TLL1: variants seen among roughly 807,000 people sequenced by gnomAD.
TLL1 encodes the protein tolloid-like protein 1.
TLL1 carries 49 observed loss-of-function variants against 128.2 expected under a neutral mutation model. The ratio of observed to expected loss-of-function variants is 0.38; its 90% CI spans 0.30 to 0.48. TLL1 has a LOEUF of 0.48. Among genes scored for constraint, TLL1 ranks in the 20% least tolerant of loss-of-function variants. The pLI, the probability that TLL1 is intolerant of heterozygous loss-of-function variation, is 0.96. For missense variants in TLL1, 1,123 were observed against 1,242.0 expected, an observed-to-expected ratio of 0.90 and a Z score of 1.44; for synonymous variants, 454 against 418.8, an observed-to-expected ratio of 1.08 and a Z score of -1.03.
chr4:166,022,913 T>C (rs1279540628), intron 8 of TLL1, among the ~76,000 whole-genome samples: 1 of 152,224 alleles, frequency 6.6e-6, no homozygotes, highest in East Asian at 1.9e-4. Context: ...TTTATATTAA[T>C]AATTCTTTAT....
intron 1 of TLL1, among the ~76,000 whole-genome samples, chr4:165,918,878 C>A (rs1207232558): frequency 6.6e-6 from 1 of 152,076 alleles, no homozygotes; most frequent in Admixed American, 6.6e-5. Flanking sequence ...AAGACCCTGG[C>A]GTAGCTCCAG....
At chr4:165,888,554 ATT>A (rs35285663) in intron 1 of TLL1, among the ~76,000 whole-genome samples, 6 of 146,862 alleles carry the variant, frequency 4.1e-5, no homozygotes, top group African/African-American at 1.3e-4. Flanking sequence ...ACTGGAAAAT[ATT>A]TTTTTTTTTT....
chr4:165,983,675 TGAG>T (rs920577102), intron 1 of TLL1, among the ~76,000 whole-genome samples: 5 of 151,990 alleles, frequency 3.3e-5, no homozygotes, highest in African/African-American at 9.6e-5. Flanking sequence ...GTGTTTAACT[TGAG>T]GAGAAGTTCT....
chr4:165,949,055 C>A, intron 1 of TLL1, among the ~76,000 whole-genome samples: 1 of 151,972 alleles, frequency 6.6e-6, no homozygotes, highest in Non-Finnish European at 1.5e-5. Context: ...CTGAATGGAC[C>A]TACTGTAATT....
At chr4:166,040,586 C>T (rs1364984868) in intron 10 of TLL1, among the ~76,000 whole-genome samples, 1 of 152,162 alleles carries the variant, frequency 6.6e-6, no homozygotes, top group Non-Finnish European at 1.5e-5. Flanking sequence ...CTTACTATTT[C>T]TTCTAAGACC....
intron 9 of TLL1, among the ~76,000 whole-genome samples, chr4:166,036,900 A>G (rs1477736104): frequency 6.6e-6 from 1 of 151,934 alleles, no homozygotes; most frequent in Non-Finnish European, 1.5e-5. Flanking sequence ...TGAAATTGAT[A>G]ATACACATAC....
chr4:165,957,100 T>C (rs1053094747), intron 1 of TLL1, among the ~76,000 whole-genome samples: 4 of 152,016 alleles, frequency 2.6e-5, no homozygotes, highest in Non-Finnish European at 5.9e-5. Context: ...ATTGCTGTCT[T>C]CAAGAGACCC....
intron 1 of TLL1, among the ~76,000 whole-genome samples, chr4:165,918,329 A>G (rs1368836463): frequency 1.3e-5 from 2 of 152,184 alleles, no homozygotes; most frequent in Non-Finnish European, 2.9e-5. Context: ...CTTACAGGCT[A>G]AGAATCTCTG....
intron 9 of TLL1, among the ~76,000 whole-genome samples, chr4:166,034,658 G>A (rs979486111): frequency 6.6e-6 from 1 of 152,134 alleles, no homozygotes; most frequent in African/African-American, 2.4e-5. Context: ...GGAAAAAGAA[G>A]TGGAGGAGTA....
intron 8 of TLL1, among the ~76,000 whole-genome samples, chr4:166,023,332 G>A (rs374241243): frequency 9.9e-5 from 15 of 152,216 alleles, no homozygotes; most frequent in Admixed American, 3.3e-4. Flanking sequence ...CCTGGGAGGT[G>A]GAGGTTGCAG....
intron 1 of TLL1, among the ~76,000 whole-genome samples, chr4:165,912,127 G>A (rs1391754514): frequency 1.3e-5 from 2 of 152,032 alleles, no homozygotes; most frequent in Non-Finnish European, 1.5e-5. Flanking sequence ...TGTCTGCCTC[G>A]GCCTCCCAAA....
chr4:165,924,077 A>G (rs1561031356), intron 1 of TLL1, among the ~76,000 whole-genome samples: 1 of 152,054 alleles, frequency 6.6e-6, no homozygotes, highest in Non-Finnish European at 1.5e-5. Flanking sequence ...GTATCTCTCC[A>G]TTTCCTTGGT....
intron 5 of TLL1, among the ~76,000 whole-genome samples, chr4:165,995,977 TA>T (rs1427479636): frequency 6.6e-6 from 1 of 152,122 alleles, no homozygotes. Flanking sequence ...CTTTTTTTAA[TA>T]ATCTCCCATT....
At chr4:166,021,234 T>C (rs1738215882) in intron 8 of TLL1, among the ~76,000 whole-genome samples, 1 of 146,748 alleles carries the variant, frequency 6.8e-6, no homozygotes, top group African/African-American at 2.5e-5. Context: ...AAAAAAAAAA[T>C]GCATTTAGCT....
intron 1 of TLL1, among the ~76,000 whole-genome samples, chr4:165,878,304 T>G (rs1730810527): frequency 6.6e-6 from 1 of 152,222 alleles, no homozygotes; most frequent in Non-Finnish European, 1.5e-5. Flanking sequence ...AAAATGCATT[T>G]CATAGAGCTG....
chr4:166,010,474 G>A (rs1737637019), intron 7 of TLL1, among the ~76,000 whole-genome samples: 1 of 150,146 alleles, frequency 6.7e-6, no homozygotes, highest in Non-Finnish European at 1.5e-5. Flanking sequence ...GTCTAAATCA[G>A]GTTATTTGAT....
intron 8 of TLL1, among the ~76,000 whole-genome samples, chr4:166,022,670 T>G (rs1405754543): frequency 1.3e-5 from 2 of 152,212 alleles, no homozygotes; most frequent in Non-Finnish European, 2.9e-5. Flanking sequence ...TGGAGTCAGC[T>G]ATAAAAGTAA....
At chr4:165,909,883 G>A (rs1364371820) in intron 1 of TLL1, among the ~76,000 whole-genome samples, 1 of 152,114 alleles carries the variant, frequency 6.6e-6, no homozygotes, top group East Asian at 1.9e-4. Flanking sequence ...GTTACATGTA[G>A]TTTTGCAAGT....
chr4:165,895,938 T>A (rs943047450), intron 1 of TLL1, among the ~76,000 whole-genome samples: 1 of 152,108 alleles, frequency 6.6e-6, no homozygotes, highest in Admixed American at 6.6e-5. Context: ...ATAGTCTTTT[T>A]TTATTATTAT....
Sources: allele counts gnomAD v4.1 joint callset (sites outside exome capture counted in the v4.1 genomes callset), GRCh38; gene constraint gnomAD v4.1.1; transcripts MANE v1.5; gene names NCBI Gene and HGNC (gene_info 2026-07-23, HGNC 2026-07-21).